DIAPH3: variants seen among roughly 807,000 people sequenced by gnomAD.
DIAPH3 encodes the protein diaphanous related formin 3.
In DIAPH3, 117 loss-of-function variants were observed where a neutral mutation model predicts 144.3. That is an observed-to-expected ratio of 0.81 (90% CI 0.70 to 0.95). The LOEUF (loss-of-function observed/expected upper bound fraction) is 0.95, where lower values mean the gene tolerates loss of function less well. DIAPH3 is among the 40% of genes least tolerant of loss of function. The pLI is 0.00. For missense variants in DIAPH3, 1,421 were observed against 1,412.7 expected (o/e 1.01, Z -0.09); for synonymous variants, 519 against 488.9 (o/e 1.06, Z -0.81).
intron 3 of DIAPH3, among the ~76,000 whole-genome samples, chr13:60,111,348 C>T (rs1209932412): frequency 6.6e-6 from 1 of 152,146 alleles, no homozygotes; most frequent in African/African-American, 2.4e-5. Flanking sequence ...AAGAATAAAA[C>T]AAGTTAGGTC....
chr13:59,892,073 T>C (rs1180955365), intron 20 of DIAPH3, among the ~76,000 whole-genome samples: 1 of 151,522 alleles, frequency 6.6e-6, no homozygotes, highest in Non-Finnish European at 1.5e-5. Context: ...GAATATACCA[T>C]AAGTAAGCAG....
At chr13:60,136,364 C>T (rs2059274971) in intron 1 of DIAPH3, among the ~76,000 whole-genome samples, 1 of 150,528 alleles carries the variant, frequency 6.6e-6, no homozygotes, top group South Asian at 2.1e-4. Flanking sequence ...CCGTGGACAT[C>T]TACTCCAAAA....
chr13:60,046,148 T>G (rs1004329528), intron 4 of DIAPH3, among the ~76,000 whole-genome samples: 2 of 152,154 alleles, frequency 1.3e-5, no homozygotes. Context: ...AAGATGCCAT[T>G]CCATGAAATG....
intron 17 of DIAPH3, among the ~76,000 whole-genome samples, chr13:59,968,990 G>A (rs747806802): frequency 9.2e-5 from 14 of 152,072 alleles, no homozygotes; most frequent in Non-Finnish European, 1.8e-4. Context: ...GATATAGGTG[G>A]CATAAGTCTA....
intron 25 of DIAPH3, among the ~76,000 whole-genome samples, chr13:59,779,453 C>G (rs1014882378): frequency 2.6e-5 from 4 of 151,738 alleles, no homozygotes; most frequent in Admixed American, 1.3e-4. Context: ...TATGAAATGC[C>G]TGCTTATTAT....
intron 3 of DIAPH3, among the ~76,000 whole-genome samples, chr13:60,102,238 A>T (rs1244465300): frequency 6.6e-6 from 1 of 152,176 alleles, no homozygotes; most frequent in Non-Finnish European, 1.5e-5. Flanking sequence ...TTATTTCACT[A>T]AATTCTCTCA....
chr13:59,820,813 A>AAATACTATTT (rs1205204020), intron 24 of DIAPH3, among the ~76,000 whole-genome samples: 2 of 150,814 alleles, frequency 1.3e-5, no homozygotes, highest in Non-Finnish European at 3.0e-5. Context: ...TAATAGTATT[A>AAATACTATTT]AATACTATTT....
Position 60,016,126 on chromosome 13 carries a change from G to T in DIAPH3, c.646C>A (p.His216Asn), listed in dbSNP as rs770042088. ...TCTAATAATAATCCAAGCCCTTCATGTCCAAAGCTTTCCACCCAACTGAAA... is the reference window on the plus strand; with the variant it reads ...TCTAATAATAATCCAAGCCCTTCATTTCCAAAGCTTTCCACCCAACTGAAA... ...NPVSWVESFG[H>N]EGLGLLLDIL... The change falls in exon 6 of 28, where the codon CAT (histidine) becomes AAT (asparagine). Residue 216 changes from histidine to asparagine, a missense_variant. Physicochemically the swap from His to Asn is moderately conservative, Grantham distance 68 (BLOSUM62 1). Transcript: ENST00000400324. 3 of 1,613,664 alleles carry T rather than the reference G, an allele frequency of 1.9e-6. No individual in the cohort carries two copies. The Admixed American group carries it at 5.0e-5, about 27-fold the overall frequency.
intron 27 of DIAPH3, among the ~76,000 whole-genome samples, chr13:59,669,732 ATC>A (rs1245712883): frequency 2.0e-5 from 3 of 152,014 alleles, no homozygotes; most frequent in African/African-American, 7.2e-5. Context: ...GGTGGGGGGA[ATC>A]TCTGTTTGTC....
intron 20 of DIAPH3, among the ~76,000 whole-genome samples, chr13:59,893,854 C>A (rs967352246): frequency 6.6e-6 from 1 of 152,026 alleles, no homozygotes; most frequent in Non-Finnish European, 1.5e-5. Flanking sequence ...TTGTTTTTTG[C>A]TGATGCCAGG....
At chr13:60,157,380 A>G (rs889387954) in intron 1 of DIAPH3, among the ~76,000 whole-genome samples, 1 of 152,150 alleles carries the variant, frequency 6.6e-6, no homozygotes, top group African/African-American at 2.4e-5. Flanking sequence ...AAAATGGGCT[A>G]TTGCTTCTTG....
In DIAPH3 at chr13:59,898,437, C is replaced by T. The variant is rs545920875; in HGVS notation, c.2367+13298G>A. ...CACAAGGAAGGACAGTTGAAGGTTT[C>T]TGGAATACTAAGACAAAGTTTTTTT... On this transcript the variant is annotated intron_variant, in intron 20 of 27. Coordinates refer to ENST00000400324, the MANE Select transcript of DIAPH3 (RefSeq NM_001042517.2). Among the ~76,000 whole-genome samples, 6 of 152,268 alleles carry T rather than the reference C, an allele frequency of 3.9e-5. 1 individual carries two copies. In the East Asian group the frequency reaches 1.2e-3, roughly 29 times the overall value.
intron 17 of DIAPH3, among the ~76,000 whole-genome samples, chr13:59,951,250 G>T (rs980175133): frequency 8.6e-5 from 13 of 152,032 alleles, no homozygotes; most frequent in African/African-American, 3.1e-4. Context: ...TTCTCACAAG[G>T]TCTGATGGTT....
rs138545550 is a variant in DIAPH3 at position 59,843,032 on chromosome 13, A to T, written c.2738-3584T>A. The stretch of plus-strand genomic sequence containing the variant: ...CTCTCGCACCCATACATTGGGTATA[A>T]GCCCACAGTTCTAACCCTTTAATCG... On this transcript the variant is annotated intron_variant, in intron 22 of 27. Coordinates refer to ENST00000400324, the MANE Select transcript of DIAPH3 (RefSeq NM_001042517.2). Among the ~76,000 whole-genome samples the T allele has an allele frequency of 9.8e-5, 15 of 152,288 alleles. 1 individual carries two copies. The East Asian group carries it at 2.7e-3, about 27-fold the overall frequency.
Position 59,991,148 on chromosome 13 carries a change from T to C in DIAPH3, c.1361+10A>G. The C allele has an allele frequency of 6.6e-7, 1 of 1,515,412 alleles. No homozygotes were observed. Among genetic ancestry groups the C allele is most frequent in the Non-Finnish European group, 9.1e-7 (1 of 1,094,514 alleles). The allele number at this position is 1,515,412 out of a possible 1,614,324, so 93.9% of individuals were successfully genotyped here. ...GTGAAAGAAAACATTAGAATACAAC[T>C]TCCTCTTACCTTATAAAATAATCAT... On this transcript the variant is annotated intron_variant, in intron 12 of 27. Coordinates refer to ENST00000400324, the MANE Select transcript of DIAPH3 (RefSeq NM_001042517.2).
intron 20 of DIAPH3, among the ~76,000 whole-genome samples, chr13:59,886,896 A>G (rs1339375963): frequency 1.3e-5 from 2 of 152,046 alleles, no homozygotes; most frequent in Non-Finnish European, 2.9e-5. Context: ...TTCATCTTTT[A>G]TGTTTTCTTG....
chr13:59,939,026 C>A (rs1185251558), intron 17 of DIAPH3, among the ~76,000 whole-genome samples: 1 of 152,078 alleles, frequency 6.6e-6, no homozygotes, highest in Non-Finnish European at 1.5e-5. Context: ...TCAAATCACT[C>A]ATTTTAATTT....
intron 4 of DIAPH3, among the ~76,000 whole-genome samples, chr13:60,061,985 C>T (rs2670484): frequency 0.75 from 114,367 of 151,824 alleles, 43,214 homozygotes; most frequent in Admixed American, 0.81. Flanking sequence ...ATCCTATCTG[C>T]TCCTTCCCAA....
chr13:59,731,590 C>G (rs1164599138), intron 27 of DIAPH3, among the ~76,000 whole-genome samples: 2 of 152,144 alleles, frequency 1.3e-5, no homozygotes, highest in Non-Finnish European at 2.9e-5. Context: ...ATTGTGCCTT[C>G]TCACCGTAAA....
Sources: gnomAD v4.1 joint callset for allele counts (sites outside exome capture counted in the v4.1 genomes callset) on GRCh38, gnomAD v4.1.1 for gene constraint, MANE v1.5 for transcripts, NCBI Gene and HGNC (gene_info 2026-07-23, HGNC 2026-07-21) for gene names.